Variants in RNLS observed in about 807,000 individuals in gnomAD.
The protein encoded by RNLS is renalase, FAD dependent amine oxidase.
RNLS carries 39 observed loss-of-function variants against 39.8 expected under a neutral mutation model. That is an observed-to-expected ratio of 0.98 (90% CI 0.76 to 1.28). The LOEUF (loss-of-function observed/expected upper bound fraction) is 1.28, where lower values mean the gene tolerates loss of function less well. RNLS is among the 50% of genes most tolerant of loss of function. The pLI, the probability that RNLS is intolerant of heterozygous loss-of-function variation, is 0.00. For missense variants in RNLS, 410 were observed against 413.3 expected (o/e 0.99, Z 0.07); for synonymous variants, 147 against 150.7 (o/e 0.98, Z 0.18).
the RNLS span, among the ~76,000 whole-genome samples, chr10:88,194,352 A>T: frequency 6.6e-6 from 1 of 152,316 alleles, no homozygotes; most frequent in Non-Finnish European, 1.5e-5. Context: ...AAATGTAGAG[A>T]GCAAAATTGC....
intron 4 of RNLS, among the ~76,000 whole-genome samples, chr10:88,405,726 T>C (rs2133669108): frequency 6.6e-6 from 1 of 152,238 alleles, no homozygotes; most frequent in East Asian, 1.9e-4. Context: ...GAGGTACCAT[T>C]GCATTCATCA....
At chr10:88,524,923 A>C (rs1846987793) in intron 4 of RNLS, among the ~76,000 whole-genome samples, 1 of 135,658 alleles carries the variant, frequency 7.4e-6, no homozygotes, top group African/African-American at 2.8e-5. Flanking sequence ...TTTAAACTCC[A>C]TGTATGCCAT....
intron 5 of RNLS, among the ~76,000 whole-genome samples, chr10:88,355,023 G>T (rs1186591620): frequency 6.6e-6 from 1 of 152,124 alleles, no homozygotes; most frequent in Non-Finnish European, 1.5e-5. Context: ...TGAAGCTTGT[G>T]CATTCGTCAC....
chr10:88,177,822 A>G, the RNLS span, among the ~76,000 whole-genome samples: 38 of 152,292 alleles, frequency 2.5e-4, no homozygotes, highest in South Asian at 7.7e-3. Context: ...AGTAGTCTCC[A>G]TATGATTTAT....
intron 5 of RNLS, among the ~76,000 whole-genome samples, chr10:88,336,020 T>C (rs1024142597): frequency 3.9e-5 from 6 of 152,222 alleles, no homozygotes; most frequent in African/African-American, 1.4e-4. Context: ...CTAAGAAGTA[T>C]GGATAGATAA....
chr10:88,341,659 A>C (rs913684555), intron 5 of RNLS, among the ~76,000 whole-genome samples: 1 of 152,158 alleles, frequency 6.6e-6, no homozygotes, highest in Admixed American at 6.5e-5. Context: ...AATTATTAAA[A>C]ATGAGTATTT....
At chr10:88,385,365 G>A (rs913806196) in intron 4 of RNLS, among the ~76,000 whole-genome samples, 1 of 152,096 alleles carries the variant, frequency 6.6e-6, no homozygotes, top group African/African-American at 2.4e-5. Flanking sequence ...AGCATTGCAT[G>A]GGATATACTT....
At chr10:88,267,763 G>A in the RNLS span, among the ~76,000 whole-genome samples, 1 of 152,138 alleles carries the variant, frequency 6.6e-6, no homozygotes, top group Non-Finnish European at 1.5e-5. Flanking sequence ...ATGGCCAATG[G>A]CAGAAAGGCT....
chr10:88,579,546 T>C (rs566195173), intron 3 of RNLS, among the ~76,000 whole-genome samples: 11 of 152,254 alleles, frequency 7.2e-5, no homozygotes, highest in Admixed American at 7.2e-4. Flanking sequence ...GGCTCCATTT[T>C]GGGATATCAT....
intron 4 of RNLS, among the ~76,000 whole-genome samples, chr10:88,514,852 A>C (rs1240148980): frequency 6.6e-6 from 1 of 152,104 alleles, no homozygotes; most frequent in Non-Finnish European, 1.5e-5. Flanking sequence ...AAATGCTGAT[A>C]TCTCTCTAAG....
intron 3 of RNLS, among the ~76,000 whole-genome samples, chr10:88,579,961 C>T (rs1193200925): frequency 2.0e-5 from 3 of 152,222 alleles, no homozygotes; most frequent in African/African-American, 7.2e-5. Flanking sequence ...GATCCTCCTT[C>T]ACATAAAGGA....
the RNLS span, among the ~76,000 whole-genome samples, chr10:88,174,493 T>C: frequency 6.6e-6 from 1 of 152,182 alleles, no homozygotes; most frequent in South Asian, 2.1e-4. Context: ...TATCACAGGC[T>C]TTTTCGGCAT....
chr10:88,443,976 G>A (rs1234451204), intron 4 of RNLS, among the ~76,000 whole-genome samples: 1 of 152,190 alleles, frequency 6.6e-6, no homozygotes, highest in Admixed American at 6.5e-5. Flanking sequence ...GAGAGTTGTG[G>A]TTCTCCCAGA....
the RNLS span, among the ~76,000 whole-genome samples, chr10:88,254,184 C>T: frequency 2.6e-5 from 4 of 152,144 alleles, no homozygotes; most frequent in African/African-American, 4.8e-5. Flanking sequence ...GATTTCTCCC[C>T]AGCATATCCA....
At chr10:88,376,413 T>TTTA (rs1473693754) in intron 4 of RNLS, among the ~76,000 whole-genome samples, 3 of 152,322 alleles carry the variant, frequency 2.0e-5, no homozygotes, top group South Asian at 2.1e-4. Flanking sequence ...AAATAAAATA[T>TTTA]TTATTTATTG....
intron 4 of RNLS, among the ~76,000 whole-genome samples, chr10:88,455,053 C>A (rs1322941002): frequency 6.6e-6 from 1 of 152,096 alleles, no homozygotes; most frequent in Non-Finnish European, 1.5e-5. Flanking sequence ...ATGTTCTGTT[C>A]TCAAGAAGTT....
chr10:88,391,687 C>T (rs1413529123), intron 4 of RNLS, among the ~76,000 whole-genome samples: 1 of 152,112 alleles, frequency 6.6e-6, no homozygotes, highest in Non-Finnish European at 1.5e-5. Context: ...AAATAAGGGA[C>T]TCTGAAAACC....
intron 4 of RNLS, among the ~76,000 whole-genome samples, chr10:88,568,548 G>A (rs1166149132): frequency 1.3e-5 from 2 of 151,914 alleles, no homozygotes; most frequent in Non-Finnish European, 2.9e-5. Context: ...TAAGAGGTGT[G>A]TCTTAGGGGT....
chr10:88,192,158 T>G, the RNLS span, among the ~76,000 whole-genome samples: 5 of 152,256 alleles, frequency 3.3e-5, no homozygotes, highest in Admixed American at 2.0e-4. Flanking sequence ...TCCTATGCTG[T>G]GTTCCTTGTA....
Sources: gnomAD v4.1 joint callset for allele counts (sites outside exome capture counted in the v4.1 genomes callset) on GRCh38, gnomAD v4.1.1 for gene constraint, MANE v1.5 for transcripts, NCBI Gene and HGNC (gene_info 2026-07-23, HGNC 2026-07-21) for gene names.